The following SCML4 variants were observed in gnomAD, a reference collection of about 807,000 sequenced individuals.
SCML4 encodes Scm polycomb group protein like 4.
In SCML4, 34 loss-of-function variants were observed where a neutral mutation model predicts 41.1. The observed-to-expected ratio is 0.83, with a 90% confidence interval of 0.63 to 1.10. SCML4 has a LOEUF of 1.10. Ranked by LOEUF, SCML4 falls within the 50% of genes least tolerant of loss-of-function variation. SCML4 has a pLI of 0.00. For missense variants in SCML4, 522 were observed against 534.1 expected (o/e 0.98, Z 0.22); for synonymous variants, 214 against 220.9 (o/e 0.97, Z 0.28).
At chr6:107,737,146 AC>A (rs1777151685) in intron 5 of SCML4, among the ~76,000 whole-genome samples, 1 of 151,854 alleles carries the variant, frequency 6.6e-6, no homozygotes, top group Non-Finnish European at 1.5e-5. Context: ...TCTGCTGGGG[AC>A]CCCCAGGTCT....
At chr6:107,784,832 GC>G (rs2114601743) in intron 1 of SCML4, among the ~76,000 whole-genome samples, 1 of 152,312 alleles carries the variant, frequency 6.6e-6, no homozygotes, top group South Asian at 2.1e-4. Context: ...ACTCATCACG[GC>G]CCGTGGTGTG....
chr6:107,721,574 C>G (rs931267104), intron 5 of SCML4, among the ~76,000 whole-genome samples: 3 of 152,060 alleles, frequency 2.0e-5, no homozygotes, highest in Admixed American at 2.0e-4. Context: ...TCTGCAGTGG[C>G]TCTGCCCTCA....
At chr6:107,740,050 T>G (rs1166053337) in intron 5 of SCML4, 1 of 457,164 alleles carries the variant, frequency 2.2e-6, no homozygotes, top group Non-Finnish European at 4.5e-6. Flanking sequence ...AGGAAAGGGC[T>G]CAAGAGAACA....
At chr6:107,802,755 C>T (rs1424111491) in intron 1 of SCML4, among the ~76,000 whole-genome samples, 3 of 147,414 alleles carry the variant, frequency 2.0e-5, no homozygotes. Flanking sequence ...CCCACGGTCT[C>T]CCTCTCCCTC....
intron 1 of SCML4, among the ~76,000 whole-genome samples, chr6:107,803,053 G>T (rs1220822323): frequency 2.6e-5 from 4 of 151,858 alleles, no homozygotes. Flanking sequence ...GTGCTCAATG[G>T]TGCCCAGGCT....
upstream of SCML4, among the ~76,000 whole-genome samples, chr6:107,824,483 T>C (rs1249401146): frequency 7.1e-6 from 1 of 141,568 alleles, no homozygotes; most frequent in Non-Finnish European, 1.5e-5. Flanking sequence ...TGTGTGTGTG[T>C]GTGTGTGTGT....
chr6:107,803,475 G>C (rs1234770424), intron 1 of SCML4, among the ~76,000 whole-genome samples: 3 of 147,300 alleles, frequency 2.0e-5, no homozygotes, highest in African/African-American at 7.6e-5. Context: ...GGAGGTGAGG[G>C]GCGCCTCTGC....
intron 1 of SCML4, among the ~76,000 whole-genome samples, chr6:107,822,580 G>A (rs1785030418): frequency 6.8e-6 from 1 of 146,700 alleles, no homozygotes; most frequent in African/African-American, 2.6e-5. Context: ...TGTTATACAT[G>A]AAAGAACTGG....
chr6:107,715,834 A>T (rs1481193006), intron 6 of SCML4, among the ~76,000 whole-genome samples: 1 of 152,178 alleles, frequency 6.6e-6, no homozygotes, highest in African/African-American at 2.4e-5. Context: ...TGTGGTTTTA[A>T]ACCATTTTGA....
chr6:107,729,181 C>T (rs1311286723), intron 5 of SCML4, among the ~76,000 whole-genome samples: 7 of 152,158 alleles, frequency 4.6e-5, no homozygotes, highest in African/African-American at 9.7e-5. Flanking sequence ...TGGTTTAAAA[C>T]GACAGAAATT....
chr6:107,780,745 C>T (rs372843651), intron 1 of SCML4, among the ~76,000 whole-genome samples: 1 of 150,814 alleles, frequency 6.6e-6, no homozygotes, highest in Non-Finnish European at 1.5e-5. Context: ...AAAAAAAAAA[C>T]CAGGACTCGT....
At chr6:107,733,814 G>A (rs1205993721) in intron 5 of SCML4, among the ~76,000 whole-genome samples, 1 of 152,158 alleles carries the variant, frequency 6.6e-6, no homozygotes, top group African/African-American at 2.4e-5. Context: ...TAGATGCCTG[G>A]CCCATCTCCC....
At chr6:107,801,450 G>T (rs1783116416) in intron 1 of SCML4, among the ~76,000 whole-genome samples, 1 of 152,034 alleles carries the variant, frequency 6.6e-6, no homozygotes, top group African/African-American at 2.4e-5. Context: ...CCCACCCCAG[G>T]TATGGAACCT....
chr6:107,714,973 C>CTTT (rs1300660187), intron 6 of SCML4, among the ~76,000 whole-genome samples: 2 of 89,988 alleles, frequency 2.2e-5, no homozygotes, highest in Admixed American at 1.2e-4. Context: ...TGCACAAACC[C>CTTT]TTTATTTTTT....
intron 5 of SCML4, among the ~76,000 whole-genome samples, chr6:107,736,165 C>T (rs968286547): frequency 8.5e-5 from 13 of 152,190 alleles, no homozygotes; most frequent in Admixed American, 5.9e-4. Context: ...GAAAACATCC[C>T]GTGTGGGAAA....
rs912814755 is a variant in SCML4, at chr6:107,740,997, G to T, written c.682+3952C>A. On this transcript the variant is annotated intron_variant, in intron 5 of 7. Transcript: ENST00000369020. ...GAAGGTTGGGGGAGAAGCCAACCAT[G>T]CCCTTCTTTATTGCTGCAGGCAACT... Among the ~76,000 whole-genome samples the T allele has an allele frequency of 3.9e-5, 6 of 152,140 alleles. 1 individual carries two copies. Among genetic ancestry groups the T allele is most frequent in the Admixed American group, 2.0e-4 (3 of 15,274 alleles).
chr6:107,776,762 A>G (rs1262805008), intron 1 of SCML4, among the ~76,000 whole-genome samples: 1 of 152,240 alleles, frequency 6.6e-6, no homozygotes, highest in Non-Finnish European at 1.5e-5. Flanking sequence ...GCACAAAGAT[A>G]TATGGCCAAG....
At chr6:107,806,561 G>A (rs908469786) in intron 1 of SCML4, among the ~76,000 whole-genome samples, 22 of 152,194 alleles carry the variant, frequency 1.4e-4, no homozygotes, top group African/African-American at 5.3e-4. Context: ...CCTCTGGTGG[G>A]CCCACTACTC....
chr6:107,759,360 C>CATAG (rs556856220), intron 2 of SCML4, among the ~76,000 whole-genome samples: 2,595 of 151,868 alleles, frequency 0.017, 35 homozygotes, highest in Non-Finnish European at 0.024. Context: ...TACATACATA[C>CATAG]ATACATAAGG....
Sources: gnomAD v4.1 joint callset for allele counts (sites outside exome capture counted in the v4.1 genomes callset) on GRCh38, gnomAD v4.1.1 for gene constraint, MANE v1.5 for transcripts, NCBI Gene and HGNC (gene_info 2026-07-23, HGNC 2026-07-21) for gene names.